The following SREBF2 variants were observed in gnomAD, a reference collection of about 807,000 sequenced individuals.
The protein encoded by SREBF2 is sterol regulatory element-binding protein 2.
Under a neutral mutation model 113.1 loss-of-function variants are expected in SREBF2, and 55 were observed. The ratio of observed to expected loss-of-function variants is 0.49; its 90% CI spans 0.39 to 0.61. SREBF2 has a LOEUF of 0.61. Among genes scored for constraint, SREBF2 ranks in the 20% least tolerant of loss-of-function variants. SREBF2 has a pLI of 0.00. For synonymous variants in SREBF2, 593 were observed against 605.7 expected (o/e 0.98, Z 0.31); for missense variants, 1,349 against 1,487.4 (o/e 0.91, Z 1.53).
intron 1 of SREBF2, among the ~76,000 whole-genome samples, chr22:41,840,149 G>A (rs8137847): frequency 0.12 from 17,840 of 151,706 alleles, 1,326 homozygotes; most frequent in South Asian, 0.19. Context: ...TAGTAGAGAC[G>A]GGGTTTCACC....
intron 1 of SREBF2, among the ~76,000 whole-genome samples, chr22:41,853,277 G>T (rs1324117705): frequency 6.6e-6 from 1 of 152,172 alleles, no homozygotes; most frequent in Non-Finnish European, 1.5e-5. Context: ...CCAGTATGGT[G>T]CCCTGCCCAT....
chr22:41,859,758 G>A (rs571705603), intron 1 of SREBF2, among the ~76,000 whole-genome samples: 1 of 147,658 alleles, frequency 6.8e-6, no homozygotes, highest in East Asian at 2.1e-4. Flanking sequence ...GCTGAAAGAG[G>A]TAAAACTTGC....
rs190823016 is a variant in SREBF2 at position 41,846,124 on chromosome 22, G to A, written c.88+12766G>A. On this transcript the variant is annotated intron_variant, in intron 1 of 18. Transcript: ENST00000361204. ...TGCTGTTCGTTATCTTCCACAAACA[G>A]GGTTTTGGTCAGGTGCCTCCTTGCT... Among the ~76,000 whole-genome samples, 397 of 152,320 alleles carry A rather than the reference G, an allele frequency of 2.6e-3. 6 individuals are homozygous for A. In the South Asian group the frequency reaches 0.028, roughly 11 times the overall value.
chr22:41,858,563 C>T (rs2076997528), intron 1 of SREBF2, among the ~76,000 whole-genome samples: 1 of 152,056 alleles, frequency 6.6e-6, no homozygotes. Context: ...GGCAACAAAG[C>T]AAGACCCAGT....
intron 15 of SREBF2, chr22:41,899,151 C>A: frequency 9.6e-7 from 1 of 1,040,248 alleles, no homozygotes. Flanking sequence ...ACAATCAGTG[C>A]AGAGAGGCCA....
At chr22:41,881,039 G>C in intron 10 of SREBF2, 47 bp downstream of exon 10, 1 of 1,593,400 alleles carries the variant, frequency 6.3e-7, no homozygotes, top group Non-Finnish European at 8.5e-7. Context: ...GGCATCTCAT[G>C]CTACCTCTCC....
chr22:41,906,322 T>A lies in SREBF2; in HGVS notation c.*662T>A, dbSNP rs17848343. 5 of 208,368 alleles carry A rather than the reference T, an allele frequency of 2.4e-5. No homozygotes were observed. The highest frequency in any genetic ancestry group is 1.2e-4 in the African/African-American group (5 of 42,514). The allele number at this position is 208,368 out of a possible 1,614,324, so 12.9% of individuals were successfully genotyped here. On this transcript the variant is annotated 3_prime_UTR_variant, in exon 19 of 19. Coordinates refer to ENST00000361204, the MANE Select transcript of SREBF2 (RefSeq NM_004599.4). ...GCAGGCCTGCGGATGCATGAAATAA[T>A]GTTGGCATTATTTTTTAATTTTTTA...
intron 2 of SREBF2, 32 bp from the exon 3 acceptor site, chr22:41,868,579 T>C (rs1350501324): frequency 6.2e-7 from 1 of 1,611,096 alleles, no homozygotes; most frequent in Admixed American, 1.7e-5. Flanking sequence ...GCATTCCTCA[T>C]CTCTGTGCCT....
chr22:41,866,861 G>A lies in SREBF2; in HGVS notation c.119G>A (p.Gly40Glu), dbSNP rs750234252. 5.0e-5 allele frequency: 81 copies of A among 1,614,196 alleles called. No individual in the cohort carries two copies. In the East Asian group the frequency reaches 1.4e-3, roughly 28 times the overall value. ...EMLQFVSNQV[G>E]EFPDLFSEQL... The stretch of plus-strand genomic sequence containing the variant: ...CTGCAATTTGTCAGTAATCAAGTGG[G>A]AGAGTTCCCTGACTTGTTTTCAGAA... Residue 40 changes from glycine (G) to glutamate (E), a missense_variant, in exon 2 of 19, where the codon GGA (glycine) becomes GAA (glutamate). By Grantham distance (98) the Gly-to-Glu change is moderately conservative (BLOSUM62 -2). Transcript: ENST00000361204.
chr22:41,877,254 C>A lies in SREBF2; in HGVS notation c.1412C>A (p.Pro471His). Residue 471 changes from proline (P) to histidine (H), a missense_variant, in exon 8 of 19, where the codon CCT (proline) becomes CAT (histidine). By Grantham distance (77) the Pro-to-His change is moderately conservative (BLOSUM62 -2). Transcript: ENST00000361204. Reference sequence around the variant, plus strand: ...GTCAAAGATGAGCCAGACTCTCCTCCTGTGGCGCTGGGCATGGTAGACCGC... The same window carrying A: ...GTCAAAGATGAGCCAGACTCTCCTCATGTGGCGCTGGGCATGGTAGACCGC... ...AKVKDEPDSP[P>H]VALGMVDRSR... 1 of 1,614,244 alleles carries A rather than the reference C, an allele frequency of 6.2e-7. No homozygotes were observed.
chr22:41,880,591 T>G (rs2077235731), intron 9 of SREBF2, 125 bp from the exon 10 acceptor site: 1 of 1,262,178 alleles, frequency 7.9e-7, no homozygotes, highest in Non-Finnish European at 1.2e-6. Context: ...TTCTGAAGTT[T>G]CCCTCGTTTT....
rs1488988084 is a variant in SREBF2 at position 41,900,095 on chromosome 22, T to C, written c.2739-235T>C. On this transcript the variant is annotated intron_variant, in intron 15 of 18. Transcript: ENST00000361204. The stretch of plus-strand genomic sequence containing the variant: ...GCAGCAGACGTGATGGTGAAGCCTG[T>C]GTCTCTGACTTCCAGCATTGAATGA... The C allele has an allele frequency of 7.7e-6, 11 of 1,431,824 alleles. No individual in the cohort carries two copies. In the Admixed American group the frequency reaches 2.2e-4, roughly 29 times the overall value. 88.7% of individuals were successfully genotyped at this position (1,431,824 alleles called of 1,614,324 possible). A position where few individuals can be genotyped will look rare whatever the true frequency, so the allele number is the denominator to read the frequency against.
intron 11 of SREBF2, among the ~76,000 whole-genome samples, chr22:41,889,064 C>T (rs948609561): frequency 2.0e-5 from 3 of 152,184 alleles, no homozygotes; most frequent in African/African-American, 7.2e-5. Flanking sequence ...CAAACATTCT[C>T]TACTCACTAT....
In SREBF2 at chr22:41,870,913, A is replaced by T. The variant is rs1435804535; in HGVS notation, c.745A>T (p.Lys249Ter). ...GGTCCTGGTCCAGCCTCAGATCATC[A>T]AGACAGATTCCCTTGTTTTGACCAC... The part of the protein sequence containing the change: ...VPVLVQPQII[K>*]TDSLVLTTLK... Residue 249 changes from lysine (K) to a stop codon, truncating the protein, a stop_gained, in exon 4 of 19, where the codon AAG becomes TAG. Coordinates refer to ENST00000361204, the MANE Select transcript of SREBF2 (RefSeq NM_004599.4). LOFTEE classifies it high-confidence loss of function. 3.7e-6 allele frequency: 6 copies of T among 1,614,126 alleles called. No individual in the cohort carries two copies. Among genetic ancestry groups the T allele is most frequent in the Non-Finnish European group, 5.1e-6 (6 of 1,180,030 alleles).
chr22:41,899,125 C>T (rs1201247079), intron 15 of SREBF2: 1 of 818,554 alleles, frequency 1.2e-6, no homozygotes, highest in Non-Finnish European at 1.7e-6. Flanking sequence ...GTGGTGGAGG[C>T]AGGCACTGGT....
intron 10 of SREBF2, among the ~76,000 whole-genome samples, chr22:41,881,439 G>A (rs2077244951): frequency 6.6e-6 from 1 of 152,226 alleles, no homozygotes; most frequent in Non-Finnish European, 1.5e-5. Context: ...GAAGGAACAT[G>A]TTTTCGTTGG....
intron 15 of SREBF2, chr22:41,899,681 GT>G: frequency 1.6e-6 from 1 of 635,206 alleles, no homozygotes; most frequent in East Asian, 1.3e-4. Flanking sequence ...CATTCCACCT[GT>G]ATGTGTGTCT....
At chr22:41,837,037 G>T (rs185304098) in intron 1 of SREBF2, among the ~76,000 whole-genome samples, 1 of 152,286 alleles carries the variant, frequency 6.6e-6, no homozygotes, top group Admixed American at 6.5e-5. Flanking sequence ...GACAGATCAT[G>T]TGTCTTCTCT....
At chr22:41,864,300 T>C (rs2077054314) in intron 1 of SREBF2, among the ~76,000 whole-genome samples, 1 of 109,310 alleles carries the variant, frequency 9.1e-6, no homozygotes, top group African/African-American at 4.1e-5. Flanking sequence ...TCAAAATATA[T>C]ATATATATGT....
Sources: gnomAD v4.1 joint callset for allele counts (sites outside exome capture counted in the v4.1 genomes callset) on GRCh38, gnomAD v4.1.1 for gene constraint, MANE v1.5 for transcripts, NCBI Gene and HGNC (gene_info 2026-07-23, HGNC 2026-07-21) for gene names.